Variants in CCDC91 observed in about 807,000 individuals in gnomAD.
CCDC91 encodes coiled-coil domain containing 91, also known as coiled-coil domain-containing protein 91.
In CCDC91, 48 loss-of-function variants were observed where a neutral mutation model predicts 63.2. The observed-to-expected ratio is 0.76, with a 90% confidence interval of 0.60 to 0.97. CCDC91 has a LOEUF of 0.97. CCDC91 is among the 50% of genes least tolerant of loss of function. The probability of loss-of-function intolerance (pLI) is 0.00; values close to 1 mark genes in which losing one functional copy is unlikely to be tolerated. For synonymous variants in CCDC91, 167 were observed against 165.8 expected, an observed-to-expected ratio of 1.01 and a Z score of -0.06; for missense variants, 500 against 494.6, an observed-to-expected ratio of 1.01 and a Z score of -0.10.
intron 7 of CCDC91, among the ~76,000 whole-genome samples, chr12:28,385,883 A>T (rs981033052): frequency 1.3e-5 from 2 of 152,148 alleles, no homozygotes; most frequent in African/African-American, 4.8e-5. Flanking sequence ...TCCAGCATGC[A>T]ATCAGTTCCA....
chr12:28,444,294 T>C (rs1337964437), intron 8 of CCDC91, among the ~76,000 whole-genome samples: 3 of 152,218 alleles, frequency 2.0e-5, no homozygotes, highest in Non-Finnish European at 4.4e-5. Flanking sequence ...ATAGTTACGA[T>C]AATTTAGAAA....
chr12:28,356,504 C>G (rs1320926805), intron 6 of CCDC91, among the ~76,000 whole-genome samples: 1 of 151,932 alleles, frequency 6.6e-6, no homozygotes, highest in Non-Finnish European at 1.5e-5. Context: ...TGTATGTTAT[C>G]ACACCATCTT....
At chr12:28,202,805 T>C (rs1264179994) in intron 1 of CCDC91, among the ~76,000 whole-genome samples, 1 of 152,248 alleles carries the variant, frequency 6.6e-6, no homozygotes, top group Non-Finnish European at 1.5e-5. Context: ...AAATCCCCTA[T>C]TGACATTTCA....
At chr12:28,275,808 T>C (rs1948170710) in intron 3 of CCDC91, among the ~76,000 whole-genome samples, 1 of 152,194 alleles carries the variant, frequency 6.6e-6, no homozygotes. Flanking sequence ...GATGCAAGGC[T>C]GTTTCAACAT....
intron 12 of CCDC91, among the ~76,000 whole-genome samples, chr12:28,507,626 A>G (rs1938894406): frequency 6.6e-6 from 1 of 151,978 alleles, no homozygotes; most frequent in Non-Finnish European, 1.5e-5. Context: ...AACACTGTTT[A>G]CCATTGAACA....
chr12:28,412,372 A>C (rs1947369033), intron 8 of CCDC91, among the ~76,000 whole-genome samples: 1 of 152,214 alleles, frequency 6.6e-6, no homozygotes, highest in Non-Finnish European at 1.5e-5. Context: ...AGAATTGTTG[A>C]GTTGAAGGCA....
intron 8 of CCDC91, among the ~76,000 whole-genome samples, chr12:28,406,130 A>C (rs11049574): frequency 0.2 from 30,633 of 152,022 alleles, 4,051 homozygotes; most frequent in Non-Finnish European, 0.3. Flanking sequence ...CAGGATGTGC[A>C]GGTTTGTTAC....
chr12:28,468,070 A>C (rs901944063), intron 11 of CCDC91, among the ~76,000 whole-genome samples: 4 of 152,034 alleles, frequency 2.6e-5, no homozygotes, highest in African/African-American at 9.7e-5. Flanking sequence ...AGTGAAAGAA[A>C]AGAAATAATA....
At chr12:28,276,032 A>C (rs1393225252) in intron 3 of CCDC91, among the ~76,000 whole-genome samples, 2 of 152,046 alleles carry the variant, frequency 1.3e-5, no homozygotes, top group Non-Finnish European at 2.9e-5. Context: ...ATGGACAAAA[A>C]CTGGAAGCAT....
At chr12:28,212,626 T>G (rs1235780641) in intron 1 of CCDC91, among the ~76,000 whole-genome samples, 1 of 152,190 alleles carries the variant, frequency 6.6e-6, no homozygotes, top group Non-Finnish European at 1.5e-5. Context: ...CATATTTAGT[T>G]TTCTTTAACA....
chr12:28,207,263 C>T (rs535475461), intron 1 of CCDC91, among the ~76,000 whole-genome samples: 3 of 152,224 alleles, frequency 2.0e-5, no homozygotes, highest in African/African-American at 4.8e-5. Context: ...GGAGAAACTT[C>T]TCTGGTTAGC....
chr12:28,549,302 A>G lies in CCDC91; in HGVS notation c.*129A>G. 1 of 570,142 alleles carries G rather than the reference A, an allele frequency of 1.8e-6. No individual in the cohort carries two copies. The highest frequency in any genetic ancestry group is 3.2e-6 in the Non-Finnish European group (1 of 313,400). The allele number at this position is 570,142 out of a possible 1,614,324, so 35.3% of individuals were successfully genotyped here. A position where few individuals can be genotyped will look rare whatever the true frequency, so the allele number is the denominator to read the frequency against. On this transcript the variant is annotated 3_prime_UTR_variant, in exon 13 of 13. Transcript: ENST00000536442. Reference sequence around the variant, plus strand: ...TAGAATTGATTTCCAGTTCAAGGATAAACCAAAACAATATTTAGAACTATC... The same window carrying G: ...TAGAATTGATTTCCAGTTCAAGGATGAACCAAAACAATATTTAGAACTATC...
In CCDC91 at chr12:28,334,021, A is replaced by T. The variant is rs1421547670; in HGVS notation, c.576+26272A>T. ...TGCTTATCTTTTATTTGGAATTGAA[A>T]CGACTTCTGGCAGAATTTATGTGTG... On this transcript the variant is annotated intron_variant, in intron 6 of 12. Transcript: ENST00000536442. Among the ~76,000 whole-genome samples the T allele has an allele frequency of 3.3e-5, 5 of 151,712 alleles. No individual in the cohort carries two copies. The East Asian group carries it at 5.8e-4, about 18-fold the overall frequency.
intron 12 of CCDC91, among the ~76,000 whole-genome samples, chr12:28,530,736 A>C (rs1197989823): frequency 6.6e-6 from 1 of 152,138 alleles, no homozygotes; most frequent in Non-Finnish European, 1.5e-5. Flanking sequence ...GTGCACAAAG[A>C]AGAGTAACCA....
intron 1 of CCDC91, among the ~76,000 whole-genome samples, chr12:28,209,555 C>T (rs547795198): frequency 2.0e-4 from 31 of 152,074 alleles, no homozygotes; most frequent in South Asian, 1.5e-3. Flanking sequence ...CTCAGCCCTC[C>T]GAGTAGCTGG....
intron 12 of CCDC91, among the ~76,000 whole-genome samples, chr12:28,529,556 G>A (rs989906103): frequency 3.2e-4 from 48 of 152,186 alleles, no homozygotes; most frequent in African/African-American, 1.1e-3. Flanking sequence ...TGAGATTTAT[G>A]TAAAGTGAGT....
intron 1 of CCDC91, among the ~76,000 whole-genome samples, chr12:28,224,036 C>A (rs1301286336): frequency 1.3e-5 from 2 of 152,174 alleles, no homozygotes; most frequent in Non-Finnish European, 2.9e-5. Flanking sequence ...CTCCACAAAT[C>A]AGTGACCAGA....
chr12:28,324,194 C>G (rs1286233641), intron 6 of CCDC91, among the ~76,000 whole-genome samples: 2 of 151,458 alleles, frequency 1.3e-5, no homozygotes, highest in African/African-American at 2.4e-5. Flanking sequence ...GAAAATGTAA[C>G]TTGGGGGTGA....
chr12:28,237,837 T>G (rs1057080235), intron 1 of CCDC91, among the ~76,000 whole-genome samples: 2 of 152,234 alleles, frequency 1.3e-5, no homozygotes, highest in Non-Finnish European at 2.9e-5. Flanking sequence ...GATCCCCGTC[T>G]TAATTGACCG....
Sources: gnomAD v4.1 joint callset for allele counts (sites outside exome capture counted in the v4.1 genomes callset) on GRCh38, gnomAD v4.1.1 for gene constraint, MANE v1.5 for transcripts, NCBI Gene and HGNC (gene_info 2026-07-23, HGNC 2026-07-21) for gene names.